TOX: variants seen among roughly 807,000 people sequenced by gnomAD.
TOX encodes thymocyte selection-associated high mobility group box protein TOX.
Under a neutral mutation model 53.7 loss-of-function variants are expected in TOX, and 11 were observed. The ratio of observed to expected loss-of-function variants is 0.20; its 90% CI spans 0.13 to 0.34. The LOEUF is 0.34. TOX is among the 10% of genes least tolerant of loss of function. The probability of loss-of-function intolerance (pLI) is 1.00; values close to 1 mark genes in which losing one functional copy is unlikely to be tolerated. For synonymous variants in TOX, 225 were observed against 245.3 expected (o/e 0.92, Z 0.77); for missense variants, 570 against 664.6 (o/e 0.86, Z 1.56).
At chr8:58,992,050 T>C (rs570188086) in intron 1 of TOX, 4 of 152,332 alleles carry the variant, frequency 2.6e-5, no homozygotes, top group African/African-American at 9.6e-5. Context: ...AAATGAAAAG[T>C]CCCTGGGCAA....
rs559776524 is a variant in TOX at position 59,119,136 on chromosome 8, T to G, written c.-149A>C. On this transcript the variant is annotated 5_prime_UTR_variant, in exon 1 of 9. Transcript: ENST00000361421. ...CCCTCACATCCGTTTGTGGTTTGTT[T>G]AAGAAGAAGAGGAAAAAAAAAAAAA... 314 of 474,544 alleles carry G rather than the reference T, an allele frequency of 6.6e-4. No homozygotes were observed. The East Asian group carries it at 0.011, about 17-fold the overall frequency. The allele number at this position is 474,544 out of a possible 1,614,324, so 29.4% of individuals were successfully genotyped here. A position where few individuals can be genotyped will look rare whatever the true frequency, so the allele number is the denominator to read the frequency against.
chr8:59,069,114 A>G (rs112135683), intron 1 of TOX, among the ~76,000 whole-genome samples: 187 of 152,350 alleles, frequency 1.2e-3, no homozygotes, highest in South Asian at 2.1e-3. Flanking sequence ...GAGAGTTGAC[A>G]GCAAGACGGA....
At chr8:58,871,462 A>C (rs1811196275) in intron 3 of TOX, among the ~76,000 whole-genome samples, 1 of 152,200 alleles carries the variant, frequency 6.6e-6, no homozygotes, top group South Asian at 2.1e-4. Flanking sequence ...AATGTGACAA[A>C]AGAAGCTTAA....
At chr8:59,086,798 C>A (rs1244883336) in intron 1 of TOX, among the ~76,000 whole-genome samples, 2 of 152,130 alleles carry the variant, frequency 1.3e-5, no homozygotes, top group South Asian at 4.1e-4. Flanking sequence ...TTTATGTGGC[C>A]TTAAGGCACT....
Position 59,118,881 on chromosome 8 carries a change from T to C in TOX, c.102+5A>G. 1 of 1,580,014 alleles carries C rather than the reference T, an allele frequency of 6.3e-7. No individual in the cohort carries two copies. The highest frequency in any genetic ancestry group is 8.6e-7 in the Non-Finnish European group (1 of 1,161,484). ...ACACGGTGGAAACAAAAGCAGAGCG[T>C]TCACCTTGTTGCAATAGTAGGGGTC... On this transcript the variant is annotated splice_donor_5th_base_variant and intron_variant, in intron 1 of 8. Transcript: ENST00000361421. The surrounding 1 kb of genome is among the most constrained non-coding windows in gnomAD (Gnocchi z 4.1).
Position 58,900,100 on chromosome 8 carries a change from T to C in TOX, c.411+39202A>G, listed in dbSNP as rs576023670. On this transcript the variant is annotated intron_variant, in intron 3 of 8. Transcript: ENST00000361421. The stretch of plus-strand genomic sequence containing the variant: ...TTTGCAGTGATCAATAACATTCCCA[T>C]TTGACCCTTCCTCTTTGAACTAACT... Among the ~76,000 whole-genome samples, 96 of 152,250 alleles carry C rather than the reference T, an allele frequency of 6.3e-4. 1 individual carries two copies. Among genetic ancestry groups the C allele is most frequent in the Non-Finnish European group, 1.1e-3 (76 of 68,014 alleles).
At chr8:59,055,446 C>T (rs574711815) in intron 1 of TOX, among the ~76,000 whole-genome samples, 1 of 152,256 alleles carries the variant, frequency 6.6e-6, no homozygotes, top group East Asian at 1.9e-4. Context: ...CTACAGAGTT[C>T]CAGGAAACAA....
chr8:59,088,155 G>T (rs2129423607), intron 1 of TOX, among the ~76,000 whole-genome samples: 1 of 152,236 alleles, frequency 6.6e-6, no homozygotes, highest in Non-Finnish European at 1.5e-5. Flanking sequence ...TCACAAAGAA[G>T]GAATAAGACG....
intron 1 of TOX, among the ~76,000 whole-genome samples, chr8:58,990,544 T>G (rs2129417364): frequency 6.6e-6 from 1 of 152,140 alleles, no homozygotes; most frequent in South Asian, 2.1e-4. Flanking sequence ...CCCAACAAGG[T>G]TTCCTCTACA....
At chr8:59,041,033 C>A (rs1266556917) in intron 1 of TOX, among the ~76,000 whole-genome samples, 1 of 150,256 alleles carries the variant, frequency 6.7e-6, no homozygotes, top group African/African-American at 2.4e-5. Context: ...GGCAGGGAGA[C>A]CTTTGACCAT....
intron 1 of TOX, among the ~76,000 whole-genome samples, chr8:59,068,286 C>T (rs1804131207): frequency 6.6e-6 from 1 of 151,608 alleles, no homozygotes; most frequent in African/African-American, 2.4e-5. Flanking sequence ...TAAGAAATAA[C>T]ATTATGACAA....
intron 2 of TOX, among the ~76,000 whole-genome samples, chr8:58,955,664 G>A (rs980267113): frequency 2.0e-5 from 3 of 151,728 alleles, no homozygotes; most frequent in Admixed American, 2.0e-4. Flanking sequence ...GTGAAGAGCT[G>A]AGTCCCTGAG....
In TOX at chr8:58,832,290, T is replaced by C. The variant is rs536620337; in HGVS notation, c.925-5388A>G. Among the ~76,000 whole-genome samples the C allele has an allele frequency of 1.1e-4, 16 of 151,460 alleles. No homozygotes were observed. The South Asian group carries it at 3.1e-3, about 30-fold the overall frequency. On this transcript the variant is annotated intron_variant, in intron 5 of 8. Transcript: ENST00000361421. ...TAATTTTCATTGCTCAGTTTCAAAT[T>C]TGTGTGAATATGGACGGACTTTGCT... is the stretch of plus-strand genomic sequence containing the variant.
At chr8:58,811,830 G>A (rs1219628576) in intron 7 of TOX, among the ~76,000 whole-genome samples, 4 of 152,030 alleles carry the variant, frequency 2.6e-5, no homozygotes, top group Non-Finnish European at 4.4e-5. Context: ...GCAGGTCCAC[G>A]GTTTCAGTGT....
At chr8:58,976,990 A>G (rs1300680360) in intron 1 of TOX, among the ~76,000 whole-genome samples, 1 of 152,254 alleles carries the variant, frequency 6.6e-6, no homozygotes, top group Non-Finnish European at 1.5e-5. Context: ...ACTGGCTTCA[A>G]CTGCAAATCA....
At chr8:58,969,590 T>C (rs1452876976) in intron 1 of TOX, among the ~76,000 whole-genome samples, 1 of 152,202 alleles carries the variant, frequency 6.6e-6, no homozygotes, top group East Asian at 1.9e-4. Context: ...TTTTCATTGC[T>C]TTAGTTTAAG....
At position 59,054,934 on chromosome 8, in the gene TOX, GAAAGAAAGGAAAA is replaced by G. The variant is rs1461873420; in HGVS notation, c.102+63939_102+63951del. On this transcript the variant is annotated intron_variant, in intron 1 of 8. Coordinates refer to ENST00000361421, the MANE Select transcript of TOX (RefSeq NM_014729.3). ...AGAAAGAGAAAGAAAGAAAGAAAAAGAAAGAAAGGAAAAAGAGAGGAGGGAGGGAGGAAGGAAG... is the reference window on the plus strand; with the variant it reads ...AGAAAGAGAAAGAAAGAAAGAAAAAGAGAGAGGAGGGAGGGAGGAAGGAAG... Among the ~76,000 whole-genome samples, 3 of 111,308 alleles carry G rather than the reference GAAAGAAAGGAAAA, an allele frequency of 2.7e-5. No individual in the cohort carries two copies. The East Asian group carries it at 1.5e-3, about 56-fold the overall frequency. 73.0% of individuals were successfully genotyped at this position (111,308 alleles called of 152,430 possible). A position where few individuals can be genotyped will look rare whatever the true frequency, so the allele number is the denominator to read the frequency against.
chr8:58,908,524 G>C (rs1563386215), intron 3 of TOX, among the ~76,000 whole-genome samples: 2 of 152,132 alleles, frequency 1.3e-5, no homozygotes. Context: ...CCTCAGATTT[G>C]AAAGTCTCTT....
Position 58,808,188 on chromosome 8 carries a change from A to G in TOX, c.1474T>C (p.Tyr492His). The part of the protein sequence containing the change: ...AAQVVTQAME[Y>H]VRSGCRNPPP... Reference sequence around the variant, plus strand: ...GGATTTCTGCACCCCGAACGCACATACTCCATTGCCTGGGTGACAACTTGT... The same window carrying G: ...GGATTTCTGCACCCCGAACGCACATGCTCCATTGCCTGGGTGACAACTTGT... The change falls in exon 8 of 9, where the codon TAT becomes CAT. Residue 492 changes from tyrosine (Y) to histidine (H), a missense_variant. Transcript: ENST00000361421. The G allele has an allele frequency of 6.2e-7, 1 of 1,613,992 alleles. No individual in the cohort carries two copies.
Sources: allele counts gnomAD v4.1 joint callset (sites outside exome capture counted in the v4.1 genomes callset), GRCh38; gene constraint gnomAD v4.1.1; non-coding constraint Gnocchi (gnomAD v3.1); transcripts MANE v1.5; gene names NCBI Gene and HGNC (gene_info 2026-07-23, HGNC 2026-07-21).